Variants in OR52N4 observed in about 807,000 individuals in gnomAD.
OR52N4 encodes the protein olfactory receptor 52N4.
OR52N4 carries 15 observed loss-of-function variants against 15.0 expected under a neutral mutation model. The ratio of observed to expected loss-of-function variants is 1.00; its 90% CI spans 0.67 to 1.54. The LOEUF (loss-of-function observed/expected upper bound fraction) is 1.54. OR52N4 is among the 40% of genes most tolerant of loss of function. OR52N4 has a pLI of 0.00. For missense variants in OR52N4, 421 were observed against 394.0 expected, an observed-to-expected ratio of 1.07 and a Z score of -0.58; for synonymous variants, 143 against 143.7, an observed-to-expected ratio of 1.00 and a Z score of 0.03.
upstream of OR52N4, among the ~76,000 whole-genome samples, chr11:5,751,616 G>A (rs1157604326): frequency 1.3e-5 from 2 of 151,998 alleles, no homozygotes; most frequent in East Asian, 3.9e-4. Flanking sequence ...AAAATAAAGT[G>A]TTTCGGGTGA....
Position 5,755,838 on chromosome 11 carries a change from A to G in OR52N4, c.*132A>G. The G allele has an allele frequency of 1.9e-6, 2 of 1,051,786 alleles. No homozygotes were observed. Among genetic ancestry groups the G allele is most frequent in the Non-Finnish European group, 2.7e-6 (2 of 746,730 alleles). The allele number at this position is 1,051,786 out of a possible 1,614,324, so 65.2% of individuals were successfully genotyped here. ...GGAGTTTGTTAACTGGTGCATTCTCAATAAGTACCTTGGGAATCTCAACAT... is the reference window on the plus strand; with the variant it reads ...GGAGTTTGTTAACTGGTGCATTCTCGATAAGTACCTTGGGAATCTCAACAT... On this transcript the variant is annotated 3_prime_UTR_variant, in exon 2 of 2. Coordinates refer to ENST00000641350, the MANE Select transcript of OR52N4 (RefSeq NM_001005175.5).
At chr11:5,736,536 C>G in the OR52N4 span, 3 of 1,613,654 alleles carry the variant, frequency 1.9e-6, no homozygotes, top group Non-Finnish European at 2.5e-6. Flanking sequence ...ATGTCTGCAT[C>G]TCTCAAAATC....
chr11:5,728,547 T>C, the OR52N4 span, among the ~76,000 whole-genome samples: 1 of 152,172 alleles, frequency 6.6e-6, no homozygotes, highest in African/African-American at 2.4e-5. Context: ...AGTTCGCCAA[T>C]AGTACACATT....
At chr11:5,733,667 A>G in the OR52N4 span, among the ~76,000 whole-genome samples, 1 of 152,334 alleles carries the variant, frequency 6.6e-6, no homozygotes, top group South Asian at 2.1e-4. Context: ...AATTTCAATG[A>G]GAACAGGAAC....
chr11:5,740,150 A>G, the OR52N4 span, among the ~76,000 whole-genome samples: 2 of 127,808 alleles, frequency 1.6e-5, no homozygotes, highest in African/African-American at 2.8e-5. Context: ...AACACAGATC[A>G]TAATAGGAGT....
chr11:5,736,693 G>C, the OR52N4 span: 8 of 1,613,788 alleles, frequency 5.0e-6, no homozygotes, highest in South Asian at 6.6e-5. Context: ...TCATCATCTG[G>C]CAGAACCCTT....
chr11:5,748,889 C>A, the OR52N4 span, among the ~76,000 whole-genome samples: 2 of 152,092 alleles, frequency 1.3e-5, no homozygotes, highest in East Asian at 1.9e-4. Flanking sequence ...TACACAAACA[C>A]ACACATATGG....
chr11:5,742,701 C>G, the OR52N4 span, among the ~76,000 whole-genome samples: 1 of 152,056 alleles, frequency 6.6e-6, no homozygotes, highest in South Asian at 2.1e-4. Context: ...GGAAATGTGT[C>G]ACCACTCTAC....
the OR52N4 span, chr11:5,737,439 G>A: frequency 4.3e-6 from 7 of 1,613,746 alleles, no homozygotes; most frequent in Admixed American, 1.2e-4. Flanking sequence ...AAAGAACTTA[G>A]GGCAGCCTTC....
upstream of OR52N4, among the ~76,000 whole-genome samples, chr11:5,750,457 A>T: frequency 6.6e-6 from 1 of 151,928 alleles, no homozygotes; most frequent in East Asian, 1.9e-4. Flanking sequence ...TGTATAGCCC[A>T]AAACAAGCAC....
upstream of OR52N4, among the ~76,000 whole-genome samples, chr11:5,751,508 C>A (rs993171088): frequency 6.6e-6 from 1 of 151,796 alleles, no homozygotes; most frequent in Non-Finnish European, 1.5e-5. Context: ...TAGGTTGGTG[C>A]AAAAGGAATT....
the OR52N4 span, among the ~76,000 whole-genome samples, chr11:5,747,705 A>ATC: frequency 6.6e-6 from 1 of 152,210 alleles, no homozygotes; most frequent in East Asian, 1.9e-4. Flanking sequence ...AATCACGTGT[A>ATC]AAACATTAAA....
the OR52N4 span, among the ~76,000 whole-genome samples, chr11:5,745,030 C>G: frequency 6.6e-6 from 1 of 151,670 alleles, no homozygotes; most frequent in Non-Finnish European, 1.5e-5. Flanking sequence ...AAACTAGGCA[C>G]TGAGGGAACA....
the OR52N4 span, chr11:5,737,332 G>A: frequency 6.2e-7 from 1 of 1,613,970 alleles, no homozygotes. Context: ...TGACTCATCT[G>A]ACAGAGATGA....
chr11:5,736,721 T>C, the OR52N4 span: 2 of 1,614,008 alleles, frequency 1.2e-6, no homozygotes, highest in Non-Finnish European at 1.7e-6. Flanking sequence ...GCAGCCCATG[T>C]ATATTTTCCT....
chr11:5,755,242 C>G lies in OR52N4; in HGVS notation c.502C>G (p.Leu168Val), dbSNP rs769634284. The G allele has an allele frequency of 6.2e-7, 1 of 1,614,070 alleles. No individual in the cohort carries two copies. Among genetic ancestry groups the G allele is most frequent in the South Asian group, 1.1e-5 (1 of 91,082 alleles). The change falls in exon 2 of 2, where the codon CTG becomes GTG. Residue 168 changes from leucine to valine, a missense_variant. Transcript: ENST00000641350. ...IIPFTFLTKL[L>V]PYCRGNILPH... Reference sequence around the variant, plus strand: ...TCCCTTTACTTTCCTCACCAAGCTCCTGCCCTACTGCAGAGGCAATATACT... The same window carrying G: ...TCCCTTTACTTTCCTCACCAAGCTCGTGCCCTACTGCAGAGGCAATATACT...
chr11:5,742,904 T>C, the OR52N4 span, among the ~76,000 whole-genome samples: 3 of 152,262 alleles, frequency 2.0e-5, no homozygotes, highest in Middle Eastern at 0.01. Flanking sequence ...ATATTAAGCT[T>C]GAACAGGAAT....
the OR52N4 span, among the ~76,000 whole-genome samples, chr11:5,744,338 T>C: frequency 2.0e-5 from 3 of 152,132 alleles, no homozygotes; most frequent in Admixed American, 1.3e-4. Context: ...GAGGAGGGAA[T>C]CCTCCCTAAC....
the OR52N4 span, chr11:5,737,405 C>G: frequency 6.2e-7 from 1 of 1,614,062 alleles, no homozygotes. Flanking sequence ...TTCCCTCAAC[C>G]CTACAGTTTA....
Sources: allele counts gnomAD v4.1 joint callset (sites outside exome capture counted in the v4.1 genomes callset), GRCh38; gene constraint gnomAD v4.1.1; transcripts MANE v1.5; gene names NCBI Gene and HGNC (gene_info 2026-07-23, HGNC 2026-07-21).